Variants in FAM81A observed in about 807,000 individuals in gnomAD.
The protein encoded by FAM81A is protein FAM81A.
FAM81A carries 19 observed loss-of-function variants against 46.7 expected under a neutral mutation model. The ratio of observed to expected loss-of-function variants is 0.41; its 90% confidence interval spans 0.28 to 0.60. The LOEUF (loss-of-function observed/expected upper bound fraction) is 0.60. Ranked by LOEUF, FAM81A falls within the 20% of genes least tolerant of loss-of-function variation. The probability of loss-of-function intolerance (pLI) is 0.34; values close to 1 mark genes in which losing one functional copy is unlikely to be tolerated. For missense variants in FAM81A, 377 were observed against 453.5 expected (o/e 0.83, Z 1.53); for synonymous variants, 183 against 152.9 (o/e 1.20, Z -1.45).
chr15:59,415,762 A>G (rs140044182), intron 2 of FAM81A, among the ~76,000 whole-genome samples: 344 of 152,318 alleles, frequency 2.3e-3, no homozygotes, highest in African/African-American at 7.8e-3. Flanking sequence ...ATGACAGCAA[A>G]AAGAATAATA....
intron 1 of FAM81A, among the ~76,000 whole-genome samples, chr15:59,439,495 G>A (rs543763418): frequency 1.3e-5 from 2 of 152,224 alleles, no homozygotes; most frequent in Admixed American, 1.3e-4. Context: ...CATATCCACT[G>A]TCTATAAACT....
At chr15:59,434,759 G>C (rs2081235688), upstream of FAM81A, among the ~76,000 whole-genome samples, 1 of 152,190 alleles carries the variant, frequency 6.6e-6, no homozygotes, top group South Asian at 2.1e-4. Context: ...GTTGAGAATT[G>C]CTGAGGACAA....
At chr15:59,458,951 A>C (rs1284049202) in intron 2 of FAM81A, among the ~76,000 whole-genome samples, 1 of 152,236 alleles carries the variant, frequency 6.6e-6, no homozygotes, top group African/African-American at 2.4e-5. Context: ...TTAGGGGCCT[A>C]TCGGCCAAAA....
At chr15:59,473,744 G>GT (rs1200503769) in intron 3 of FAM81A, among the ~76,000 whole-genome samples, 1 of 152,180 alleles carries the variant, frequency 6.6e-6, no homozygotes. Flanking sequence ...TTCTGTCAAC[G>GT]TAAGAGGTGA....
intron 4 of FAM81A, among the ~76,000 whole-genome samples, chr15:59,493,719 C>G (rs1324774640): frequency 6.6e-6 from 1 of 152,140 alleles, no homozygotes; most frequent in Non-Finnish European, 1.5e-5. Flanking sequence ...TCCCGAGTAG[C>G]TGAGACTACA....
At chr15:59,437,112 C>G (rs2081248516), upstream of FAM81A, among the ~76,000 whole-genome samples, 1 of 152,160 alleles carries the variant, frequency 6.6e-6, no homozygotes, top group South Asian at 2.1e-4. Flanking sequence ...ACAAATATTT[C>G]AAAGATCACA....
chr15:59,471,918 T>C (rs2081697061), intron 3 of FAM81A, among the ~76,000 whole-genome samples: 1 of 152,184 alleles, frequency 6.6e-6, no homozygotes, highest in Non-Finnish European at 1.5e-5. Context: ...AGTGGATACT[T>C]CTTATGATGG....
At chr15:59,511,468 G>A (rs1158977180) in intron 6 of FAM81A, among the ~76,000 whole-genome samples, 1 of 152,200 alleles carries the variant, frequency 6.6e-6, no homozygotes, top group African/African-American at 2.4e-5. Context: ...ATGTGAAAGT[G>A]TTAGCAAGGA....
chr15:59,484,791 A>G (rs916398988), intron 3 of FAM81A, among the ~76,000 whole-genome samples: 91 of 152,290 alleles, frequency 6.0e-4, no homozygotes, highest in African/African-American at 2.2e-3. Flanking sequence ...GCTTGGCCAC[A>G]GTGGAGAGGA....
chr15:59,454,066 G>T lies in FAM81A; in HGVS notation c.-77-4484G>T, dbSNP rs114220297. Among the ~76,000 whole-genome samples, 150 of 152,346 alleles carry T rather than the reference G, an allele frequency of 9.8e-4. 1 individual carries two copies. Among genetic ancestry groups the T allele is most frequent in the African/African-American group, 3.2e-3 (135 of 41,576 alleles). ...CAAAGGCCTGAGGGTGCTGTTGGAG[G>T]TGAGTTAGAGAACAACATCCAGCTG... On this transcript the variant is annotated intron_variant, in intron 1 of 8. Coordinates refer to ENST00000288228, the MANE Select transcript of FAM81A (RefSeq NM_152450.3).
intron 2 of FAM81A, among the ~76,000 whole-genome samples, chr15:59,415,067 C>T (rs554168382): frequency 4.6e-5 from 7 of 151,388 alleles, no homozygotes; most frequent in African/African-American, 1.2e-4. Context: ...CTGCCTGCCT[C>T]GGCCTCCCAA....
chr15:59,438,829 T>C (rs529907950), intron 1 of FAM81A, among the ~76,000 whole-genome samples: 12 of 152,254 alleles, frequency 7.9e-5, no homozygotes, highest in Admixed American at 7.8e-4. Flanking sequence ...ATTAATTGGC[T>C]CCTAAAGTGG....
intron 2 of FAM81A, among the ~76,000 whole-genome samples, chr15:59,416,204 C>A (rs1198794629): frequency 6.6e-6 from 1 of 152,186 alleles, no homozygotes; most frequent in Non-Finnish European, 1.5e-5. Context: ...GGGTGCAGGA[C>A]ATGGGACAGG....
intron 2 of FAM81A, among the ~76,000 whole-genome samples, chr15:59,410,592 G>C (rs1013955731): frequency 1.3e-5 from 2 of 152,148 alleles, no homozygotes; most frequent in Non-Finnish European, 2.9e-5. Flanking sequence ...GGTCCTTCCT[G>C]GTGACCCAGA....
At chr15:59,488,578 G>A (rs897651884) in intron 3 of FAM81A, among the ~76,000 whole-genome samples, 1 of 152,178 alleles carries the variant, frequency 6.6e-6, no homozygotes, top group East Asian at 1.9e-4. Flanking sequence ...AAAATTTCAG[G>A]ATACAAAATC....
At chr15:59,441,407 A>G (rs2081296419) in intron 1 of FAM81A, among the ~76,000 whole-genome samples, 2 of 152,266 alleles carry the variant, frequency 1.3e-5, no homozygotes, top group Admixed American at 6.5e-5. Context: ...TGTGGCTAGT[A>G]TGACTGAGGA....
intron 2 of FAM81A, among the ~76,000 whole-genome samples, chr15:59,419,544 A>C (rs1217951402): frequency 6.6e-6 from 1 of 151,736 alleles, no homozygotes; most frequent in Admixed American, 6.6e-5. Flanking sequence ...CCTCTCTTTC[A>C]TTTCTTCCCA....
intron 1 of FAM81A, among the ~76,000 whole-genome samples, chr15:59,399,136 T>C (rs1284938129): frequency 6.6e-6 from 1 of 152,080 alleles, no homozygotes; most frequent in Non-Finnish European, 1.5e-5. Context: ...ACCACTGCAC[T>C]CCAGCTTGGG....
intron 1 of FAM81A, among the ~76,000 whole-genome samples, chr15:59,399,993 G>A (rs1394276207): frequency 1.3e-5 from 2 of 152,078 alleles, no homozygotes; most frequent in African/African-American, 4.8e-5. Flanking sequence ...AGGGTGGTGG[G>A]GTAAATGGAG....
Sources: allele counts gnomAD v4.1 joint callset (sites outside exome capture counted in the v4.1 genomes callset), GRCh38; gene constraint gnomAD v4.1.1; transcripts MANE v1.5; gene names NCBI Gene and HGNC (gene_info 2026-07-23, HGNC 2026-07-21).